CEP120: variants seen among roughly 807,000 people sequenced by gnomAD.
CEP120 encodes the protein centrosomal protein of 120 kDa.
In CEP120, 113 loss-of-function variants were observed where a neutral mutation model predicts 126.5. The observed-to-expected ratio is 0.89, with a 90% CI of 0.77 to 1.04. CEP120 has a LOEUF of 1.04. CEP120 is among the 50% of genes least tolerant of loss of function. CEP120 has a pLI of 0.00. For synonymous variants in CEP120, 400 were observed against 394.3 expected (o/e 1.01, Z -0.17); for missense variants, 1,230 against 1,155.7 (o/e 1.06, Z -0.93).
intron 3 of CEP120, among the ~76,000 whole-genome samples, chr5:123,413,722 GAATT>G (rs1389648368): frequency 6.6e-6 from 1 of 152,130 alleles, no homozygotes; most frequent in Non-Finnish European, 1.5e-5. Flanking sequence ...AAGTAAAATA[GAATT>G]AAGTAGGCCA....
chr5:123,349,169 CAGAG>C, intron 19 of CEP120, among the ~76,000 whole-genome samples: 1 of 152,178 alleles, frequency 6.6e-6, no homozygotes, highest in East Asian at 1.9e-4. Context: ...CGCAGCACTA[CAGAG>C]AAGCCCAGTG....
rs372774629 is a variant in CEP120, at chr5:123,382,877, C to T, written c.1873G>A (p.Val625Ile). The T allele has an allele frequency of 4.2e-5, 67 of 1,613,120 alleles. 1 individual carries two copies. Among genetic ancestry groups the T allele is most frequent in the South Asian group, 3.3e-4 (30 of 91,010 alleles). ...GGAAGAGAAGACGGCTTTTGCTGTA[C>T]GGCAGATACACCCTAAGAGATGAAC... ...ISDSSQGVSAVQQKPSSLPPA... is the reference protein window; with the variant it reads ...ISDSSQGVSAIQQKPSSLPPA... Residue 625 changes from valine (V) to isoleucine (I), a missense_variant, in exon 13 of 20, where the codon GTA (valine) becomes ATA (isoleucine). Coordinates refer to ENST00000306467, the MANE Select transcript of CEP120 (RefSeq NM_001375405.1).
intron 19 of CEP120, 81 bp from the exon 20 acceptor site, chr5:123,346,834 T>C: frequency 9.8e-7 from 1 of 1,021,926 alleles, no homozygotes; most frequent in Non-Finnish European, 1.4e-6. Context: ...AATGATTCAA[T>C]GGTAAGACAA....
intron 3 of CEP120, 74 bp downstream of exon 3, chr5:123,415,936 T>A: frequency 1.0e-6 from 1 of 975,412 alleles, no homozygotes; most frequent in Non-Finnish European, 1.6e-6. Context: ...CATGTCCTTT[T>A]CATCAATCTG....
At position 123,381,134 on chromosome 5, in the gene CEP120, C is replaced by T. The variant is rs537784783; in HGVS notation, c.2103+977G>A. Among the ~76,000 whole-genome samples, 12 of 152,166 alleles carry T rather than the reference C, an allele frequency of 7.9e-5. No homozygotes were observed. The South Asian group carries it at 1.2e-3, about 16-fold the overall frequency. On this transcript the variant is annotated intron_variant, in intron 14 of 19. Transcript: ENST00000306467. Reference sequence around the variant, plus strand: ...TCCTTTATAAACACAACTTAAACAACATTTATGAAACAACTGTTTTTAGAC... The same window carrying T: ...TCCTTTATAAACACAACTTAAACAATATTTATGAAACAACTGTTTTTAGAC...
chr5:123,382,684 A>G, intron 13 of CEP120, 53 bp downstream of exon 13: 1 of 1,528,122 alleles, frequency 6.5e-7, no homozygotes, highest in Non-Finnish European at 8.9e-7. Context: ...GGAGAAGGAA[A>G]AATATACAGA....
At chr5:123,358,694 T>TCA (rs34534235) in intron 18 of CEP120, among the ~76,000 whole-genome samples, 107,291 of 150,964 alleles carry the variant, frequency 0.71, 38,232 homozygotes, top group African/African-American at 0.74. Flanking sequence ...TTAATAATAA[T>TCA]CACACACACA....
chr5:123,401,836 C>G (rs1773263319), intron 4 of CEP120: 2 of 1,481,448 alleles, frequency 1.4e-6, no homozygotes, highest in South Asian at 2.3e-5. Context: ...TCCACCAGCC[C>G]CTACATGTTG....
intron 1 of CEP120, among the ~76,000 whole-genome samples, chr5:123,419,375 G>A (rs111846147): frequency 0.036 from 5,440 of 151,870 alleles, 326 homozygotes; most frequent in African/African-American, 0.12. Context: ...GTGAAACCCC[G>A]TCTCTACTAA....
chr5:123,411,894 A>C (rs1774084071), intron 4 of CEP120, among the ~76,000 whole-genome samples: 1 of 152,242 alleles, frequency 6.6e-6, no homozygotes, highest in Admixed American at 6.5e-5. Context: ...TTGTAGTATC[A>C]CCACTCTGGT....
intron 14 of CEP120, among the ~76,000 whole-genome samples, chr5:123,378,832 G>C (rs1771442392): frequency 6.6e-6 from 1 of 152,016 alleles, no homozygotes; most frequent in Non-Finnish European, 1.5e-5. Flanking sequence ...GGGGGTGCGT[G>C]TGGTGGGTGT....
At chr5:123,383,868 A>G (rs771655165) in intron 11 of CEP120, among the ~76,000 whole-genome samples, 5 of 152,122 alleles carry the variant, frequency 3.3e-5, no homozygotes, top group Non-Finnish European at 5.9e-5. Context: ...GTCTAAATCA[A>G]ATATACTCTG....
chr5:123,373,080 C>T lies in CEP120; in HGVS notation c.2359-308G>A, dbSNP rs183364482. Among the ~76,000 whole-genome samples, 658 of 152,188 alleles carry T rather than the reference C, an allele frequency of 4.3e-3. 6 individuals carry two copies. Among genetic ancestry groups the T allele is most frequent in the Non-Finnish European group, 3.8e-3 (257 of 67,976 alleles). On this transcript the variant is annotated intron_variant, in intron 16 of 19. Coordinates refer to ENST00000306467, the MANE Select transcript of CEP120 (RefSeq NM_001375405.1). ...TTCAGAAATCCTAACACTTTCTTTA[C>T]ACTTTTCTTAAGATGTCGCATATAA... is the stretch of plus-strand genomic sequence containing the variant.
rs1051971922 is a variant in CEP120, at chr5:123,423,174, C to T, written c.-176G>A. The stretch of plus-strand genomic sequence containing the variant: ...GTCTGCTGCAGCGCGCCCGGCTCCT[C>T]TGCCTCGGGCCGCCAGCCCAGATCC... On this transcript the variant is annotated 5_prime_UTR_variant, in exon 1 of 20. Transcript: ENST00000306467. 40 of 613,612 alleles carry T rather than the reference C, an allele frequency of 6.5e-5. No individual in the cohort carries two copies. In the East Asian group the frequency reaches 1.0e-3, roughly 16 times the overall value. 38.0% of individuals were successfully genotyped at this position (613,612 alleles called of 1,614,324 possible).
intron 17 of CEP120, among the ~76,000 whole-genome samples, chr5:123,366,639 C>T (rs1770480530): frequency 6.6e-6 from 1 of 151,760 alleles, no homozygotes; most frequent in African/African-American, 2.4e-5. Context: ...CTTTATATTC[C>T]TACCACTACT....
chr5:123,392,925 T>C (rs913655861), intron 6 of CEP120, among the ~76,000 whole-genome samples: 1 of 152,188 alleles, frequency 6.6e-6, no homozygotes, highest in Non-Finnish European at 1.5e-5. Context: ...GTAAGGCATA[T>C]ATATTTTGAA....
At chr5:123,372,887 T>A (rs1770948557) in intron 16 of CEP120, 115 bp from the exon 17 acceptor site, 1 of 771,206 alleles carries the variant, frequency 1.3e-6, no homozygotes, top group African/African-American at 1.8e-5. Flanking sequence ...TAGTAGAAAA[T>A]CTGGAAAACT....
At chr5:123,405,609 C>T (rs1481188816) in intron 4 of CEP120, among the ~76,000 whole-genome samples, 3 of 152,128 alleles carry the variant, frequency 2.0e-5, no homozygotes, top group African/African-American at 7.2e-5. Flanking sequence ...TCTGCCCCAT[C>T]TAAGGGAAGA....
chr5:123,358,799 T>C (rs1242888005), intron 18 of CEP120, among the ~76,000 whole-genome samples: 1 of 152,006 alleles, frequency 6.6e-6, no homozygotes, highest in Non-Finnish European at 1.5e-5. Context: ...TTATTTTGCC[T>C]TGGCTGCCTA....
Sources: gnomAD v4.1 joint callset for allele counts (sites outside exome capture counted in the v4.1 genomes callset) on GRCh38, gnomAD v4.1.1 for gene constraint, MANE v1.5 for transcripts, NCBI Gene and HGNC (gene_info 2026-07-23, HGNC 2026-07-21) for gene names.